The following RIMBP2 variants were observed in gnomAD, a reference collection of about 807,000 sequenced individuals.
RIMBP2 encodes RIMS binding protein 2.
In RIMBP2, 48 loss-of-function variants were observed where a neutral mutation model predicts 118.6. The observed-to-expected ratio is 0.40, with a 90% CI of 0.32 to 0.51. The LOEUF (loss-of-function observed/expected upper bound fraction) is 0.51, where lower values mean the gene tolerates loss of function less well. Among genes scored for constraint, RIMBP2 ranks in the 20% least tolerant of loss-of-function variants. The pLI, the probability that RIMBP2 is intolerant of heterozygous loss-of-function variation, is 0.41. For synonymous variants in RIMBP2, 762 were observed against 742.9 expected, an observed-to-expected ratio of 1.03 and a Z score of -0.42; for missense variants, 1,551 against 1,768.3, an observed-to-expected ratio of 0.88 and a Z score of 2.20.
chr12:130,480,237 C>CACACACACG (rs59071818), intron 4 of RIMBP2, among the ~76,000 whole-genome samples: 2,733 of 150,266 alleles, frequency 0.018, 30 homozygotes, highest in South Asian at 0.028. Flanking sequence ...ACACACACAC[C>CACACACACG]TGTGGTAACT....
intron 6 of RIMBP2, among the ~76,000 whole-genome samples, chr12:130,457,443 G>T (rs1352713576): frequency 6.6e-6 from 1 of 152,188 alleles, no homozygotes; most frequent in Non-Finnish European, 1.5e-5. Flanking sequence ...GGACATCTCT[G>T]ACCCTTGTGG....
chr12:130,428,540 G>A, intron 14 of RIMBP2: 1 of 502,786 alleles, frequency 2.0e-6, no homozygotes, highest in Non-Finnish European at 3.5e-6. Flanking sequence ...AAGTGGCACA[G>A]ATGGGATCAG....
chr12:130,403,459 G>A (rs2074852015), intron 21 of RIMBP2, among the ~76,000 whole-genome samples: 1 of 152,254 alleles, frequency 6.6e-6, no homozygotes, highest in South Asian at 2.1e-4. Flanking sequence ...TAAATTCCAG[G>A]AAAGCCCATT....
chr12:130,435,685 T>C (rs535775527), intron 13 of RIMBP2, among the ~76,000 whole-genome samples: 5 of 152,218 alleles, frequency 3.3e-5, no homozygotes, highest in African/African-American at 9.6e-5. Context: ...GCTTCCTTTA[T>C]AGAAAGGCCA....
At chr12:130,412,918 T>G in intron 18 of RIMBP2, 131 bp from the exon 19 acceptor site, 1 of 872,772 alleles carries the variant, frequency 1.1e-6, no homozygotes. Flanking sequence ...ATAAATCACC[T>G]GCATAGGTCA....
At chr12:130,702,118 T>C (rs745512347) in intron 1 of RIMBP2, among the ~76,000 whole-genome samples, 1 of 152,128 alleles carries the variant, frequency 6.6e-6, no homozygotes, top group Non-Finnish European at 1.5e-5. Flanking sequence ...CCCAGCTGTT[T>C]GCATTACAGT....
rs1949867682 is a variant in RIMBP2, at chr12:130,710,867, C to T, written c.-352+5355G>A. Among the ~76,000 whole-genome samples the T allele has an allele frequency of 6.6e-6, 1 of 152,266 alleles. No individual in the cohort carries two copies. Among genetic ancestry groups the T allele is most frequent in the African/African-American group, 2.4e-5 (1 of 41,476 alleles). ...CTCCACAAGCCCCACTGCTCCCAAT[C>T]CTCACAGGCCCCGCACGTCACACGT... On this transcript the variant is annotated intron_variant, in intron 1 of 22. Coordinates refer to ENST00000690449, the MANE Select transcript of RIMBP2 (RefSeq NM_001393629.1). The surrounding 1 kb of genome is among the most constrained non-coding windows in gnomAD (Gnocchi z 4.3).
At chr12:130,479,474 G>A (rs535481112) in intron 4 of RIMBP2, among the ~76,000 whole-genome samples, 6 of 152,308 alleles carry the variant, frequency 3.9e-5, no homozygotes, top group African/African-American at 1.4e-4. Context: ...CTAGGAGGTA[G>A]GTTCTAGAAG....
intron 1 of RIMBP2, among the ~76,000 whole-genome samples, chr12:130,655,270 CT>C (rs2063376998): frequency 6.6e-6 from 1 of 152,246 alleles, no homozygotes; most frequent in Non-Finnish European, 1.5e-5. Flanking sequence ...GTTTTATTTT[CT>C]TCATTGCTCT....
At chr12:130,482,417 G>T (rs150330663) in intron 4 of RIMBP2, among the ~76,000 whole-genome samples, 33 of 152,310 alleles carry the variant, frequency 2.2e-4, no homozygotes, top group African/African-American at 7.9e-4. Flanking sequence ...AAGGCAGATC[G>T]ATGAAACGAG....
rs1949794301 is a variant in RIMBP2, at chr12:130,710,062, T to A, written c.-352+6160A>T. Reference sequence around the variant, plus strand: ...CCGGGTATCCCTGGGAGCTCACGGGTGGACACCGAGGGTCTCCAGGAGAGG... The same window carrying A: ...CCGGGTATCCCTGGGAGCTCACGGGAGGACACCGAGGGTCTCCAGGAGAGG... On this transcript the variant is annotated intron_variant, in intron 1 of 22. Transcript: ENST00000690449. This position sits in a 1 kb window ranked among gnomAD's most constrained non-coding sequence, Gnocchi z 4.3. 6.6e-6 allele frequency among the ~76,000 whole-genome samples: 1 copy of A among 152,122 alleles called. No homozygotes were observed. Among genetic ancestry groups the A allele is most frequent in the Non-Finnish European group, 1.5e-5 (1 of 68,016 alleles).
chr12:130,436,392 C>T (rs2077518855), intron 13 of RIMBP2, among the ~76,000 whole-genome samples: 1 of 152,114 alleles, frequency 6.6e-6, no homozygotes, highest in South Asian at 2.1e-4. Flanking sequence ...TCTATGGGTG[C>T]ATGTCCATAT....
chr12:130,428,152 C>A, intron 15 of RIMBP2, 27 bp downstream of exon 15: 2 of 1,561,186 alleles, frequency 1.3e-6, no homozygotes, highest in South Asian at 1.2e-5. Context: ...GGACGGAGTG[C>A]AGGGTCCCCC....
intron 4 of RIMBP2, among the ~76,000 whole-genome samples, chr12:130,504,328 C>A (rs190569419): frequency 1.3e-5 from 2 of 152,244 alleles, no homozygotes; most frequent in Admixed American, 1.3e-4. Flanking sequence ...ATCCTGCACC[C>A]CCTGACTCCT....
At chr12:130,584,580 A>G (rs2058742487) in intron 2 of RIMBP2, among the ~76,000 whole-genome samples, 1 of 151,540 alleles carries the variant, frequency 6.6e-6, no homozygotes, top group East Asian at 2.0e-4. Flanking sequence ...CACCACCATT[A>G]CATCACCACC....
intron 2 of RIMBP2, among the ~76,000 whole-genome samples, chr12:130,572,430 G>C (rs1184357170): frequency 6.6e-6 from 1 of 152,088 alleles, no homozygotes; most frequent in Non-Finnish European, 1.5e-5. Flanking sequence ...GTATAGAAGG[G>C]ACCTTCCTTG....
In RIMBP2 at chr12:130,683,289, GC is replaced by G. The variant is rs2064885354; in HGVS notation, c.-352+32932del. ...CACAAGCCCAAGGATGCCAAGGACA[GC>G]CGGGGAACGCAGGGAGCCAGGCTCC... On this transcript the variant is annotated intron_variant, in intron 1 of 22. Transcript: ENST00000690449. The surrounding 1 kb of genome is among the most constrained non-coding windows in gnomAD (Gnocchi z 4.4). Among the ~76,000 whole-genome samples the G allele has an allele frequency of 6.6e-6, 1 of 152,214 alleles. No individual in the cohort carries two copies. The highest frequency in any genetic ancestry group is 2.4e-5 in the African/African-American group (1 of 41,464).
intron 2 of RIMBP2, among the ~76,000 whole-genome samples, chr12:130,566,084 G>C (rs967095097): frequency 1.3e-5 from 2 of 152,068 alleles, no homozygotes; most frequent in South Asian, 2.1e-4. Flanking sequence ...AAGGTCAAAG[G>C]CTGTAATCTG....
chr12:130,555,360 A>G (rs1392890270), intron 2 of RIMBP2, among the ~76,000 whole-genome samples: 1 of 152,230 alleles, frequency 6.6e-6, no homozygotes, highest in Non-Finnish European at 1.5e-5. Flanking sequence ...GGCAGCAGTT[A>G]GTCAAAATGA....
Sources: gnomAD v4.1 joint callset for allele counts (sites outside exome capture counted in the v4.1 genomes callset) on GRCh38, gnomAD v4.1.1 for gene constraint, Gnocchi (gnomAD v3.1) non-coding constraint, MANE v1.5 for transcripts, NCBI Gene and HGNC (gene_info 2026-07-23, HGNC 2026-07-21) for gene names.